THSD7A: variants seen among roughly 807,000 people sequenced by gnomAD.
THSD7A encodes thrombospondin type-1 domain-containing protein 7A.
THSD7A carries 96 observed loss-of-function variants against 231.3 expected under a neutral mutation model. The observed-to-expected ratio is 0.41, with a 90% CI of 0.35 to 0.49. The LOEUF (loss-of-function observed/expected upper bound fraction) is 0.49. Among genes scored for constraint, THSD7A ranks in the 20% least tolerant of loss-of-function variants. The probability of loss-of-function intolerance (pLI) is 0.05; values close to 1 mark genes in which losing one functional copy is unlikely to be tolerated. For missense variants in THSD7A, 2,290 were observed against 2,070.2 expected, an observed-to-expected ratio of 1.11 and a Z score of -2.06; for synonymous variants, 940 against 743.3, an observed-to-expected ratio of 1.26 and a Z score of -4.30.
chr7:11,680,995 T>C (rs1306798278), intron 1 of THSD7A, among the ~76,000 whole-genome samples: 1 of 152,126 alleles, frequency 6.6e-6, no homozygotes, highest in East Asian at 1.9e-4. Context: ...ATGTGGCACA[T>C]ATACACCATA....
intron 1 of THSD7A, among the ~76,000 whole-genome samples, chr7:11,781,900 G>T (rs1783643094): frequency 6.6e-6 from 1 of 151,934 alleles, no homozygotes; most frequent in African/African-American, 2.4e-5. Context: ...ACCCACAGTC[G>T]ATACATTTTG....
chr7:11,663,340 C>T (rs1562454872), intron 1 of THSD7A, among the ~76,000 whole-genome samples: 1 of 151,298 alleles, frequency 6.6e-6, no homozygotes, highest in Non-Finnish European at 1.5e-5. Flanking sequence ...TTTAATGTTC[C>T]TCCGTCTATT....
intron 1 of THSD7A, among the ~76,000 whole-genome samples, chr7:11,781,466 AC>A (rs1288807918): frequency 6.6e-6 from 1 of 152,120 alleles, no homozygotes; most frequent in Non-Finnish European, 1.5e-5. Context: ...AAACAAGCAA[AC>A]AAAAAAGAAG....
rs570977756 is a variant in THSD7A at position 11,447,306 on chromosome 7, T to C, written c.2724A>G (p.Gln908=). The C allele has an allele frequency of 1.4e-5, 23 of 1,613,076 alleles. No individual in the cohort carries two copies. The highest frequency in any genetic ancestry group is 1.3e-4 in the South Asian group (12 of 91,058). Residue 908 remains glutamine, a synonymous_variant, in exon 12 of 28, where the codon CAA becomes CAG. Transcript: ENST00000423059. ...AAGAAAACTTGGACCAGCTGGTCAA[T>C]TGACAGTCATCCTGGCAGGGGATCT... ...ACQIPCQDDC[Q]LTSWSKFSSC...
At chr7:11,781,227 G>C (rs1342907905) in intron 1 of THSD7A, among the ~76,000 whole-genome samples, 1 of 151,728 alleles carries the variant, frequency 6.6e-6, no homozygotes, top group East Asian at 2.0e-4. Context: ...GCTTGAAGCC[G>C]GGTGTACAAG....
Position 11,456,799 on chromosome 7 carries a change from G to A in THSD7A, c.2605+3863C>T, listed in dbSNP as rs116978184. On this transcript the variant is annotated intron_variant, in intron 11 of 27. Transcript: ENST00000423059. The stretch of plus-strand genomic sequence containing the variant: ...AACTAATTACAAAAAAACAGGCTGC[G>A]GACTGGATTTAGCTCACAGGCCATA... Among the ~76,000 whole-genome samples, 367 of 152,042 alleles carry A rather than the reference G, an allele frequency of 2.4e-3. 10 individuals carry two copies. In the East Asian group the frequency reaches 0.044, roughly 18 times the overall value.
intron 1 of THSD7A, among the ~76,000 whole-genome samples, chr7:11,787,393 A>G (rs1404931328): frequency 3.3e-5 from 5 of 152,106 alleles, no homozygotes; most frequent in Middle Eastern, 3.2e-3. Context: ...AATCCAAAAA[A>G]GAAATAATTG....
intron 13 of THSD7A, among the ~76,000 whole-genome samples, chr7:11,441,012 C>T (rs1051910183): frequency 1.3e-5 from 2 of 151,910 alleles, no homozygotes; most frequent in African/African-American, 4.8e-5. Context: ...TAAGAAATTG[C>T]CACAGTCACC....
Position 11,406,977 on chromosome 7 carries a change from G to A in THSD7A, c.3995C>T (p.Ser1332Phe). ...GRPCPSLMDQ[S>F]KPCPVKPCYR... ...ACAAGGCTTCACTGGGCAGGGTTTG[G>A]ACTGGTCCATCAGGGAAGGGCATGG... Residue 1332 changes from serine to phenylalanine, a missense_variant, in exon 21 of 28, where the codon TCC (serine) becomes TTC (phenylalanine). By Grantham distance (155) the Ser-to-Phe change is radical. Transcript: ENST00000423059. This position sits in a 1 kb window ranked among gnomAD's most constrained non-coding sequence, Gnocchi z 4.7. 1 of 1,613,878 alleles carries A rather than the reference G, an allele frequency of 6.2e-7. No individual in the cohort carries two copies. Among genetic ancestry groups the A allele is most frequent in the Non-Finnish European group, 8.5e-7 (1 of 1,179,846 alleles).
intron 1 of THSD7A, among the ~76,000 whole-genome samples, chr7:11,824,961 G>C (rs1476788490): frequency 6.6e-6 from 1 of 151,946 alleles, no homozygotes; most frequent in Non-Finnish European, 1.5e-5. Flanking sequence ...CCTAAATTTG[G>C]TGCTCAAAAC....
At chr7:11,455,047 C>T (rs187598079) in intron 11 of THSD7A, among the ~76,000 whole-genome samples, 22 of 152,072 alleles carry the variant, frequency 1.4e-4, no homozygotes, top group South Asian at 1.0e-3. Flanking sequence ...GTTCCTATGA[C>T]GGGATTAATG....
chr7:11,570,885 T>C (rs936150836), intron 4 of THSD7A, among the ~76,000 whole-genome samples: 2 of 152,182 alleles, frequency 1.3e-5, no homozygotes, highest in Non-Finnish European at 2.9e-5. Flanking sequence ...AGAGGATATT[T>C]AGAGGTAGAT....
chr7:11,683,928 C>A (rs189920832), intron 1 of THSD7A, among the ~76,000 whole-genome samples: 7 of 151,658 alleles, frequency 4.6e-5, no homozygotes, highest in African/African-American at 1.7e-4. Flanking sequence ...ACAACAACAA[C>A]AACAAAAAAC....
intron 6 of THSD7A, among the ~76,000 whole-genome samples, chr7:11,501,955 A>T (rs1787355461): frequency 6.6e-6 from 1 of 152,136 alleles, no homozygotes; most frequent in African/African-American, 2.4e-5. Context: ...GTTACCACTG[A>T]TCCCACAGAA....
chr7:11,453,675 T>C (rs542203043), intron 11 of THSD7A, among the ~76,000 whole-genome samples: 44 of 152,110 alleles, frequency 2.9e-4, no homozygotes, highest in African/African-American at 9.9e-4. Flanking sequence ...AACATGAAGA[T>C]TGAGCAAGAG....
Position 11,449,164 on chromosome 7 carries a change from G to T in THSD7A, c.2606-1740C>A, listed in dbSNP as rs543476183. ...CTCTGATTTCCCTGGTTGAGGTTGG[G>T]GTCCTGGGATTTAGGATACTTTTTA... On this transcript the variant is annotated intron_variant, in intron 11 of 27. Coordinates refer to ENST00000423059, the MANE Select transcript of THSD7A (RefSeq NM_015204.3). Among the ~76,000 whole-genome samples the T allele has an allele frequency of 1.1e-4, 16 of 151,974 alleles. No individual in the cohort carries two copies. In the East Asian group the frequency reaches 3.1e-3, roughly 30 times the overall value.
At chr7:11,650,175 G>A (rs1475912647) in intron 1 of THSD7A, among the ~76,000 whole-genome samples, 2 of 152,082 alleles carry the variant, frequency 1.3e-5, no homozygotes, top group East Asian at 3.9e-4. Context: ...GTTGCAATTG[G>A]GGCCAACATA....
intron 1 of THSD7A, among the ~76,000 whole-genome samples, chr7:11,822,971 T>C (rs988745614): frequency 2.6e-5 from 4 of 152,088 alleles, no homozygotes; most frequent in Admixed American, 1.3e-4. Flanking sequence ...GTTTCATTTG[T>C]CTACTTTAGT....
intron 2 of THSD7A, among the ~76,000 whole-genome samples, chr7:11,630,651 T>A (rs1323216099): frequency 2.0e-5 from 3 of 152,206 alleles, no homozygotes; most frequent in Non-Finnish European, 2.9e-5. Flanking sequence ...TGGGCTGAAT[T>A]TCCCACACTT....
Sources: allele counts gnomAD v4.1 joint callset (sites outside exome capture counted in the v4.1 genomes callset), GRCh38; gene constraint gnomAD v4.1.1; non-coding constraint Gnocchi (gnomAD v3.1); transcripts MANE v1.5; gene names NCBI Gene and HGNC (gene_info 2026-07-23, HGNC 2026-07-21).